The following NBEA variants were observed in gnomAD, a reference collection of about 807,000 sequenced individuals.
NBEA encodes neurobeachin, also known as lysosomal-trafficking regulator 2.
Under a neutral mutation model 343.4 loss-of-function variants are expected in NBEA, and 44 were observed. The ratio of observed to expected loss-of-function variants is 0.13; its 90% CI spans 0.10 to 0.16. NBEA has a LOEUF of 0.16. NBEA is among the 10% of genes least tolerant of loss of function. The probability of loss-of-function intolerance (pLI) is 1.00; values close to 1 mark genes in which losing one functional copy is unlikely to be tolerated. For missense variants in NBEA, 2,555 were observed against 3,631.3 expected, an observed-to-expected ratio of 0.70 and a Z score of 7.62; for synonymous variants, 1,175 against 1,238.7, an observed-to-expected ratio of 0.95 and a Z score of 1.08.
In NBEA at chr13:35,361,429, A is replaced by G. The variant is rs538317164; in HGVS notation, c.6179+9106A>G. ...TTTTTCCCACAACAGTGCAAAGGCAATGTAGTGGAGAAATGATAATCTTTT... is the reference window on the plus strand; with the variant it reads ...TTTTTCCCACAACAGTGCAAAGGCAGTGTAGTGGAGAAATGATAATCTTTT... On this transcript the variant is annotated intron_variant, in intron 38 of 58. Transcript: ENST00000379939. 3.9e-5 allele frequency among the ~76,000 whole-genome samples: 6 copies of G among 152,230 alleles called. No homozygotes were observed. In the East Asian group the frequency reaches 9.6e-4, roughly 24 times the overall value.
intron 8 of NBEA, among the ~76,000 whole-genome samples, chr13:35,059,123 CTG>C (rs1192692680): frequency 8.6e-5 from 13 of 151,740 alleles, no homozygotes; most frequent in East Asian, 3.9e-4. Flanking sequence ...TCTTATAAAA[CTG>C]TTTTGCTTAA....
At chr13:35,215,755 A>G (rs1753837895) in intron 33 of NBEA, among the ~76,000 whole-genome samples, 1 of 151,682 alleles carries the variant, frequency 6.6e-6, no homozygotes, top group South Asian at 2.1e-4. Context: ...TGTCACTTGT[A>G]GCTTTAGTAT....
chr13:35,329,568 G>A (rs1468458392), intron 36 of NBEA, among the ~76,000 whole-genome samples: 3 of 151,958 alleles, frequency 2.0e-5, no homozygotes, highest in African/African-American at 7.2e-5. Flanking sequence ...AAATGCTTAT[G>A]TGAAGTGAAA....
intron 35 of NBEA, among the ~76,000 whole-genome samples, chr13:35,297,373 G>GTGATT (rs1194972206): frequency 2.0e-5 from 3 of 151,938 alleles, no homozygotes; most frequent in African/African-American, 7.2e-5. Context: ...GCTCTTATAT[G>GTGATT]TGATTAAGGT....
chr13:35,572,712 G>A (rs888832200), intron 45 of NBEA, among the ~76,000 whole-genome samples: 11 of 67,674 alleles, frequency 1.6e-4, no homozygotes, highest in Non-Finnish European at 3.8e-4. Context: ...AGCAAGTTGG[G>A]TTTGTTGTTG....
chr13:35,116,218 C>T (rs2066484391), intron 13 of NBEA, among the ~76,000 whole-genome samples: 2 of 152,260 alleles, frequency 1.3e-5, no homozygotes, highest in South Asian at 4.1e-4. Flanking sequence ...TGCTCAAAAT[C>T]AGGACCTCAT....
chr13:35,449,669 T>G (rs2046208889), intron 39 of NBEA, among the ~76,000 whole-genome samples: 1 of 152,208 alleles, frequency 6.6e-6, no homozygotes, highest in Non-Finnish European at 1.5e-5. Flanking sequence ...GCTGGCTTTA[T>G]ATCACCAAAA....
intron 36 of NBEA, among the ~76,000 whole-genome samples, chr13:35,320,004 G>T (rs1185044286): frequency 6.6e-6 from 1 of 151,970 alleles, no homozygotes; most frequent in Non-Finnish European, 1.5e-5. Context: ...CGTATGATGG[G>T]TCTCCTGAGT....
intron 34 of NBEA, among the ~76,000 whole-genome samples, chr13:35,254,351 G>C (rs1488476355): frequency 6.9e-6 from 1 of 145,028 alleles, no homozygotes; most frequent in African/African-American, 2.5e-5. Context: ...TTGAGACAGG[G>C]TCTTACTCTG....
chr13:34,970,439 T>C (rs2059962377), intron 1 of NBEA, among the ~76,000 whole-genome samples: 1 of 152,146 alleles, frequency 6.6e-6, no homozygotes, highest in South Asian at 2.1e-4. Context: ...GGTGTCTTCA[T>C]CATGAAATCT....
chr13:35,473,604 C>A (rs1428440294), intron 41 of NBEA, among the ~76,000 whole-genome samples: 1 of 152,150 alleles, frequency 6.6e-6, no homozygotes, highest in Non-Finnish European at 1.5e-5. Flanking sequence ...TCTTTTACTT[C>A]TAGCTGCAAA....
In NBEA at chr13:35,632,078, G is replaced by A. The variant is rs185940612; in HGVS notation, c.7617+3830G>A. Among the ~76,000 whole-genome samples the A allele has an allele frequency of 2.1e-4, 32 of 152,108 alleles. No homozygotes were observed. In the East Asian group the frequency reaches 2.1e-3, roughly 10 times the overall value. On this transcript the variant is annotated intron_variant, in intron 49 of 58. Coordinates refer to ENST00000379939, the MANE Select transcript of NBEA (RefSeq NM_001385012.1). Reference sequence around the variant, plus strand: ...ATTGTCTAAAGTCTTGGCTTACATCGTAATCTTCTATGCACTTTTTTTCAT... The same window carrying A: ...ATTGTCTAAAGTCTTGGCTTACATCATAATCTTCTATGCACTTTTTTTCAT...
At chr13:35,378,814 G>A (rs1327059632) in intron 38 of NBEA, among the ~76,000 whole-genome samples, 1 of 151,240 alleles carries the variant, frequency 6.6e-6, no homozygotes, top group East Asian at 1.9e-4. Context: ...TCCTCACCCT[G>A]CTAAGGTAAC....
At chr13:35,145,191 G>T (rs915559487) in intron 18 of NBEA, among the ~76,000 whole-genome samples, 1 of 152,204 alleles carries the variant, frequency 6.6e-6, no homozygotes, top group Non-Finnish European at 1.5e-5. Context: ...CTTTGGCACG[G>T]TTAGAGCTTC....
In NBEA at chr13:35,671,666, C is replaced by T. The variant is rs1389126037; in HGVS notation, c.*675C>T. ...GACATTTTCACCAAAATATAGTTTGCACTTTTTAATCTAAAGTCATCCCTT... is the reference window on the plus strand; with the variant it reads ...GACATTTTCACCAAAATATAGTTTGTACTTTTTAATCTAAAGTCATCCCTT... On this transcript the variant is annotated 3_prime_UTR_variant, in exon 59 of 59. Coordinates refer to ENST00000379939, the MANE Select transcript of NBEA (RefSeq NM_001385012.1). 1 of 152,634 alleles carries T rather than the reference C, an allele frequency of 6.6e-6. No homozygotes were observed. The highest frequency in any genetic ancestry group is 1.5e-5 in the Non-Finnish European group (1 of 68,034). 9.5% of individuals were successfully genotyped at this position (152,634 alleles called of 1,614,324 possible).
At chr13:34,967,631 G>A (rs1214365022) in intron 1 of NBEA, among the ~76,000 whole-genome samples, 2 of 152,002 alleles carry the variant, frequency 1.3e-5, no homozygotes, top group South Asian at 2.1e-4. Flanking sequence ...GAAACAGGAG[G>A]CTGTGAAAGA....
intron 34 of NBEA, among the ~76,000 whole-genome samples, chr13:35,255,032 A>G (rs1284115419): frequency 6.6e-6 from 1 of 152,224 alleles, no homozygotes; most frequent in African/African-American, 2.4e-5. Flanking sequence ...TGTGAAAACT[A>G]AAAAATAAAA....
rs1253438180 is a variant in NBEA at position 35,036,388 on chromosome 13, T to G, written c.295-4545T>G. ...AAGTAGTTGTAGTTATTATTTTTGCTTGGTTCATCATTTAGTCTTTCTACT... is the reference window on the plus strand; with the variant it reads ...AAGTAGTTGTAGTTATTATTTTTGCGTGGTTCATCATTTAGTCTTTCTACT... On this transcript the variant is annotated intron_variant, in intron 1 of 58. Transcript: ENST00000379939. 2.0e-5 allele frequency among the ~76,000 whole-genome samples: 3 copies of G among 152,114 alleles called. No individual in the cohort carries two copies. The South Asian group carries it at 6.2e-4, about 31-fold the overall frequency.
intron 49 of NBEA, among the ~76,000 whole-genome samples, chr13:35,629,616 G>C (rs1271032737): frequency 6.6e-6 from 1 of 152,136 alleles, no homozygotes; most frequent in Admixed American, 6.5e-5. Context: ...CAGAATGAAT[G>C]AATGAGAGAG....
Sources: gnomAD v4.1 joint callset for allele counts (sites outside exome capture counted in the v4.1 genomes callset) on GRCh38, gnomAD v4.1.1 for gene constraint, MANE v1.5 for transcripts, NCBI Gene and HGNC (gene_info 2026-07-23, HGNC 2026-07-21) for gene names.